The following SLC51A variants were observed in gnomAD, a reference collection of about 807,000 sequenced individuals.
SLC51A encodes the protein organic solute transporter subunit alpha.
A neutral mutation model predicts 34.8 loss-of-function variants in SLC51A; 22 were observed. The ratio of observed to expected loss-of-function variants is 0.63; its 90% CI spans 0.45 to 0.90. SLC51A has a LOEUF of 0.90. Among genes scored for constraint, SLC51A ranks in the 40% least tolerant of loss-of-function variants. The probability of loss-of-function intolerance (pLI) is 0.00; values close to 1 mark genes in which losing one functional copy is unlikely to be tolerated. For synonymous variants in SLC51A, 181 were observed against 176.3 expected (o/e 1.03, Z -0.21); for missense variants, 371 against 414.8 (o/e 0.89, Z 0.92).
At chr3:196,224,147 C>T (rs1723836842) in intron 2 of SLC51A, 1 of 186,076 alleles carries the variant, frequency 5.4e-6, no homozygotes, top group Non-Finnish European at 1.1e-5. Flanking sequence ...GCATGAGCCA[C>T]TGTGCCTAGC....
intron 2 of SLC51A, among the ~76,000 whole-genome samples, chr3:196,222,226 T>G (rs1029812987): frequency 2.0e-5 from 3 of 152,230 alleles, no homozygotes; most frequent in African/African-American, 4.8e-5. Flanking sequence ...AGTGGGAAAT[T>G]TAATAGTTGC....
chr3:196,228,013 G>T lies in SLC51A; in HGVS notation c.363-102G>T. 3.4e-6 allele frequency: 5 copies of T among 1,488,656 alleles called. No homozygotes were observed. The highest frequency in any genetic ancestry group is 1.3e-5 in the South Asian group (1 of 78,276). 92.2% of individuals were successfully genotyped at this position (1,488,656 alleles called of 1,614,324 possible). ...TCGCCCCTCTTGGGTCACACACCCAGAACGCCCAGCCCTAGCTCTGCTCCT... is the reference window on the plus strand; with the variant it reads ...TCGCCCCTCTTGGGTCACACACCCATAACGCCCAGCCCTAGCTCTGCTCCT... On this transcript the variant is annotated intron_variant, in intron 4 of 8. Transcript: ENST00000296327. The surrounding 1 kb of genome is among the most constrained non-coding windows in gnomAD (Gnocchi z 4.9).
chr3:196,228,822 C>G lies in SLC51A; in HGVS notation c.535C>G (p.Leu179Val). 1 of 1,614,124 alleles carries G rather than the reference C, an allele frequency of 6.2e-7. No homozygotes were observed. Among genetic ancestry groups the G allele is most frequent in the Non-Finnish European group, 8.5e-7 (1 of 1,179,990 alleles). ...TTCCCCACTCAGGAAGAAGCTTCAG[C>G]TGCTGATGTTGGGCCCTTTCCAATA... ...RLLLTRKKLQ[L>V]LMLGPFQYAF... Residue 179 changes from leucine to valine, a missense_variant, in exon 6 of 9, where the codon CTG becomes GTG. Coordinates refer to ENST00000296327, the MANE Select transcript of SLC51A (RefSeq NM_152672.6). This position sits in a 1 kb window ranked among gnomAD's most constrained non-coding sequence, Gnocchi z 4.9.
In SLC51A at chr3:196,217,919, C is replaced by T; in HGVS notation, c.116C>T (p.Ala39Val). 2.5e-6 allele frequency: 4 copies of T among 1,612,970 alleles called. No individual in the cohort carries two copies. The highest frequency in any genetic ancestry group is 2.2e-5 in the East Asian group (1 of 44,838). The change falls in exon 2 of 9, where the codon GCA (alanine) becomes GTA (valine). Residue 39 changes from alanine to valine, a missense_variant. Coordinates refer to ENST00000296327, the MANE Select transcript of SLC51A (RefSeq NM_152672.6). ...GCCTGCTTCTCTCAGCCTCCCACAG[C>T]AGCCCAACTCCTGAGAGGTGAGTGG... ...PSACFSQPPT[A>V]AQLLRALGPV...
Position 196,228,095 on chromosome 3 carries a change from C to G in SLC51A, c.363-20C>G, listed in dbSNP as rs1577347450. 2 of 1,607,428 alleles carry G rather than the reference C, an allele frequency of 1.2e-6. No individual in the cohort carries two copies. Among genetic ancestry groups the G allele is most frequent in the South Asian group, 1.1e-5 (1 of 90,010 alleles). On this transcript the variant is annotated intron_variant, in intron 4 of 8. Coordinates refer to ENST00000296327, the MANE Select transcript of SLC51A (RefSeq NM_152672.6). The surrounding 1 kb of genome is among the most constrained non-coding windows in gnomAD (Gnocchi z 4.9). ...TCTCTGGCAGCAGACCTCGTAGGCC[C>G]TCTTCTCTCCCCACCCCAGGTTTTA...
rs79784352 is a variant in SLC51A at position 196,226,936 on chromosome 3, C to T, written c.134-29C>T. The T allele has an allele frequency of 8.9e-4, 1,413 of 1,592,046 alleles. 16 individuals are homozygous for T. In the African/African-American group the frequency reaches 0.017, roughly 20 times the overall value. On this transcript the variant is annotated intron_variant, in intron 2 of 8. Transcript: ENST00000296327. ...AGGCCTTCTCCCGCTCAGTCCCGGTCGTCAGCTCTCTGCCTTCTCCTCCTC... is the reference window on the plus strand; with the variant it reads ...AGGCCTTCTCCCGCTCAGTCCCGGTTGTCAGCTCTCTGCCTTCTCCTCCTC...
intron 2 of SLC51A, among the ~76,000 whole-genome samples, chr3:196,224,156 G>C (rs73212130): frequency 0.22 from 33,981 of 151,218 alleles, 5,292 homozygotes; most frequent in East Asian, 0.53. Context: ...ACTGTGCCTA[G>C]CCCTTTCTCT....
chr3:196,218,054 C>A, intron 2 of SLC51A, 118 bp downstream of exon 2: 1 of 872,878 alleles, frequency 1.1e-6, no homozygotes, highest in Non-Finnish European at 1.8e-6. Context: ...AATAACTGGC[C>A]CGGTGTCTGT....
intron 7 of SLC51A, among the ~76,000 whole-genome samples, chr3:196,230,749 A>C (rs1040450356): frequency 4.6e-5 from 7 of 152,010 alleles, no homozygotes; most frequent in African/African-American, 1.7e-4. Flanking sequence ...CTCCCAAAGT[A>C]TTGGGATTAT....
chr3:196,232,300 A>G (rs1398014428), intron 7 of SLC51A, 119 bp from the exon 8 acceptor site: 23 of 691,384 alleles, frequency 3.3e-5, no homozygotes, highest in Non-Finnish European at 5.2e-6. Flanking sequence ...GTGACTGCAC[A>G]GATCTGACGG....
chr3:196,221,056 T>A (rs1042713589), intron 2 of SLC51A, among the ~76,000 whole-genome samples: 5 of 151,660 alleles, frequency 3.3e-5, no homozygotes, highest in Non-Finnish European at 7.4e-5. Context: ...CAAGCCCAGC[T>A]AATTTTTGTA....
Position 196,220,890 on chromosome 3 carries a change from C to CTTT in SLC51A, c.133+2969_133+2971dup, listed in dbSNP as rs758950658. ...TAAACTTTGTTGTTCCTTAATTTTT[C>CTTT]TTTTTTTTTTTTTTTTTGAGACAGG... On this transcript the variant is annotated intron_variant, in intron 2 of 8. Coordinates refer to ENST00000296327, the MANE Select transcript of SLC51A (RefSeq NM_152672.6). Among the ~76,000 whole-genome samples, 1,024 of 132,266 alleles carry CTTT rather than the reference C, an allele frequency of 7.7e-3. 23 individuals carry two copies. Among genetic ancestry groups the CTTT allele is most frequent in the African/African-American group, 0.021 (750 of 35,670 alleles). 86.8% of individuals were successfully genotyped at this position (132,266 alleles called of 152,430 possible). A position where few individuals can be genotyped will look rare whatever the true frequency, so the allele number is the denominator to read the frequency against.
chr3:196,216,917 G>A lies in SLC51A; in HGVS notation c.38+167G>A, dbSNP rs961548784. ...GTCCTCAGGGACAACGTGGGTTTGG[G>A]CCAGGGTGTGACACTCCAGGGCCTC... On this transcript the variant is annotated intron_variant, in intron 1 of 8. Coordinates refer to ENST00000296327, the MANE Select transcript of SLC51A (RefSeq NM_152672.6). This position sits in a 1 kb window ranked among gnomAD's most constrained non-coding sequence, Gnocchi z 4.5. Among the ~76,000 whole-genome samples the A allele has an allele frequency of 1.3e-5, 2 of 152,214 alleles. No individual in the cohort carries two copies. Among genetic ancestry groups the A allele is most frequent in the Non-Finnish European group, 2.9e-5 (2 of 68,032 alleles).
At chr3:196,226,847 T>G (rs889369288) in intron 2 of SLC51A, 118 bp from the exon 3 acceptor site, 12 of 884,370 alleles carry the variant, frequency 1.4e-5, no homozygotes, top group Non-Finnish European at 2.0e-5. Context: ...TAAAAAATCC[T>G]CATTCCTGTG....
At chr3:196,218,189 CTCAT>C (rs1723646150) in intron 2 of SLC51A, among the ~76,000 whole-genome samples, 1 of 152,226 alleles carries the variant, frequency 6.6e-6, no homozygotes, top group South Asian at 2.1e-4. Flanking sequence ...GGCCTCAAAG[CTCAT>C]TCAAACTGCG....
chr3:196,226,705 T>A (rs947968046), intron 2 of SLC51A: 1 of 242,884 alleles, frequency 4.1e-6, no homozygotes, highest in Non-Finnish European at 7.4e-6. Context: ...ACCCAGGAGA[T>A]GGAGGTTGCA....
intron 2 of SLC51A, among the ~76,000 whole-genome samples, chr3:196,218,670 G>A (rs73083239): frequency 0.028 from 4,276 of 152,252 alleles, 193 homozygotes; most frequent in African/African-American, 0.098. Flanking sequence ...TTACCTTTGC[G>A]TTTTGTCGCT....
intron 2 of SLC51A, among the ~76,000 whole-genome samples, chr3:196,220,465 C>T (rs1476263004): frequency 2.0e-5 from 3 of 152,046 alleles, no homozygotes; most frequent in Admixed American, 1.3e-4. Context: ...GGTGTGGTGG[C>T]GCGTGCCTGT....
At position 196,228,166 on chromosome 3, in the gene SLC51A, T is replaced by C. The variant is rs1464779943; in HGVS notation, c.414T>C (p.Phe138=). 3 of 1,614,144 alleles carry C rather than the reference T, an allele frequency of 1.9e-6. No homozygotes were observed. The highest frequency in any genetic ancestry group is 2.2e-5 in the South Asian group (2 of 91,086). The change falls in exon 5 of 9, where the codon TTT becomes TTC. Residue 138 remains phenylalanine, a synonymous_variant. Coordinates refer to ENST00000296327, the MANE Select transcript of SLC51A (RefSeq NM_152672.6). The surrounding 1 kb of genome is among the most constrained non-coding windows in gnomAD (Gnocchi z 4.9). ...TGATGCTGGTCATGGTGGAAGGCTT[T>C]GGGGGGAAGGAGGCAGTGCTGAGGA... ...YLLMLVMVEG[F]GGKEAVLRTL...
Sources: gnomAD v4.1 joint callset for allele counts (sites outside exome capture counted in the v4.1 genomes callset) on GRCh38, gnomAD v4.1.1 for gene constraint, Gnocchi (gnomAD v3.1) non-coding constraint, MANE v1.5 for transcripts, NCBI Gene and HGNC (gene_info 2026-07-23, HGNC 2026-07-21) for gene names.